ATP6V1H: variants seen among roughly 807,000 people sequenced by gnomAD.
The protein encoded by ATP6V1H is ATPase H+ transporting V1 subunit H, also known as V-type proton ATPase subunit H.
In ATP6V1H, 39 loss-of-function variants were observed where a neutral mutation model predicts 71.7. The ratio of observed to expected loss-of-function variants is 0.54; its 90% CI spans 0.42 to 0.71. ATP6V1H has a LOEUF of 0.71. Among genes scored for constraint, ATP6V1H ranks in the 30% least tolerant of loss-of-function variants. The probability of loss-of-function intolerance (pLI) is 0.00; values close to 1 mark genes in which losing one functional copy is unlikely to be tolerated. For synonymous variants in ATP6V1H, 192 were observed against 199.3 expected, an observed-to-expected ratio of 0.96 and a Z score of 0.31; for missense variants, 509 against 594.9, an observed-to-expected ratio of 0.86 and a Z score of 1.50.
At chr8:53,798,016 CA>C (rs1308093233) in intron 8 of ATP6V1H, among the ~76,000 whole-genome samples, 1 of 152,178 alleles carries the variant, frequency 6.6e-6, no homozygotes, top group Non-Finnish European at 1.5e-5. Flanking sequence ...TTACCCCCAG[CA>C]AAGGCCCACT....
At chr8:53,825,492 A>AAACTGCGAAGGG (rs1379591688) in intron 4 of ATP6V1H, among the ~76,000 whole-genome samples, 3 of 152,158 alleles carry the variant, frequency 2.0e-5, no homozygotes, top group Non-Finnish European at 4.4e-5. Flanking sequence ...GGGAAAAAAA[A>AAACTGCGAAGGG]AACTGCGAAG....
intron 7 of ATP6V1H, among the ~76,000 whole-genome samples, chr8:53,802,373 C>T (rs2130437225): frequency 6.6e-6 from 1 of 152,282 alleles, no homozygotes; most frequent in East Asian, 1.9e-4. Context: ...GAAATTTCTT[C>T]ATCCTCATGA....
chr8:53,749,619 T>G (rs1807726208), intron 12 of ATP6V1H, among the ~76,000 whole-genome samples: 1 of 152,052 alleles, frequency 6.6e-6, no homozygotes, highest in African/African-American at 2.4e-5. Context: ...GGTGGCTAAA[T>G]GTAAGGGAGA....
chr8:53,725,420 C>T (rs1166761653), intron 13 of ATP6V1H, among the ~76,000 whole-genome samples: 1 of 151,770 alleles, frequency 6.6e-6, no homozygotes, highest in African/African-American at 2.4e-5. Context: ...TTAGACATTA[C>T]CCAGTTTCAG....
In ATP6V1H at chr8:53,735,945, C is replaced by T. The variant is rs188687747; in HGVS notation, c.1391+7632G>A. Among the ~76,000 whole-genome samples the T allele has an allele frequency of 3.3e-3, 501 of 152,304 alleles. 1 individual carries two copies. The highest frequency in any genetic ancestry group is 5.4e-3 in the Non-Finnish European group (367 of 68,028). On this transcript the variant is annotated intron_variant, in intron 13 of 13. Transcript: ENST00000359530. ...AGCCAGTAGGACTCAGATCATCCAA[C>T]CCAGCTAATCCTAAGATGAGACTGC...
At chr8:53,744,033 G>C (rs1463250518) in intron 12 of ATP6V1H, among the ~76,000 whole-genome samples, 1 of 152,034 alleles carries the variant, frequency 6.6e-6, no homozygotes, top group Non-Finnish European at 1.5e-5. Flanking sequence ...TTTCTTGCTT[G>C]TTTAATATCA....
chr8:53,797,775 G>T (rs896608864), intron 8 of ATP6V1H, among the ~76,000 whole-genome samples: 1 of 151,812 alleles, frequency 6.6e-6, no homozygotes, highest in Non-Finnish European at 1.5e-5. Context: ...CAGGGTGGGC[G>T]GATCTCTTGA....
At chr8:53,787,007 A>T (rs1809409937) in intron 9 of ATP6V1H, among the ~76,000 whole-genome samples, 1 of 152,236 alleles carries the variant, frequency 6.6e-6, no homozygotes, top group South Asian at 2.1e-4. Flanking sequence ...TGTAAAATAC[A>T]AGTTCAATTT....
intron 9 of ATP6V1H, among the ~76,000 whole-genome samples, chr8:53,772,619 C>T (rs944807562): frequency 1.3e-5 from 2 of 152,104 alleles, no homozygotes; most frequent in African/African-American, 2.4e-5. Flanking sequence ...CCTGTAAGCA[C>T]AAGGGACAAC....
intron 11 of ATP6V1H, among the ~76,000 whole-genome samples, chr8:53,757,676 A>G (rs1277024532): frequency 6.6e-6 from 1 of 152,174 alleles, no homozygotes; most frequent in Non-Finnish European, 1.5e-5. Context: ...AAATTAGCCA[A>G]CTGAACCCAC....
chr8:53,725,520 C>T (rs1207695903), intron 13 of ATP6V1H, among the ~76,000 whole-genome samples: 1 of 149,370 alleles, frequency 6.7e-6, no homozygotes, highest in African/African-American at 2.5e-5. Context: ...AGTCTTGACT[C>T]AATTTCCACC....
intron 13 of ATP6V1H, among the ~76,000 whole-genome samples, chr8:53,724,488 A>G (rs1806734996): frequency 6.6e-6 from 1 of 152,010 alleles, no homozygotes; most frequent in Non-Finnish European, 1.5e-5. Context: ...ACATATGGCC[A>G]GAAGACTGAG....
intron 13 of ATP6V1H, among the ~76,000 whole-genome samples, chr8:53,734,963 A>T (rs1563441434): frequency 1.3e-5 from 2 of 152,256 alleles, no homozygotes; most frequent in Non-Finnish European, 2.9e-5. Flanking sequence ...GCTGTGCATG[A>T]GATCACCCAC....
chr8:53,786,895 G>C (rs187824818), intron 9 of ATP6V1H, among the ~76,000 whole-genome samples: 1 of 152,182 alleles, frequency 6.6e-6, no homozygotes, highest in Non-Finnish European at 1.5e-5. Flanking sequence ...GCAGTGTTTC[G>C]AAAACCATCG....
At chr8:53,841,391 T>G (rs1047299236) in intron 2 of ATP6V1H, among the ~76,000 whole-genome samples, 187 bp downstream of exon 2, 9 of 152,144 alleles carry the variant, frequency 5.9e-5, no homozygotes, top group Admixed American at 5.2e-4. Flanking sequence ...GCTTCCCCAC[T>G]AGGGCGCCAA....
At chr8:53,808,820 T>C (rs1274475109) in intron 7 of ATP6V1H, among the ~76,000 whole-genome samples, 1 of 150,214 alleles carries the variant, frequency 6.7e-6, no homozygotes, top group Non-Finnish European at 1.5e-5. Flanking sequence ...AAAAACAAAA[T>C]GTTTGTAATG....
At chr8:53,760,975 G>C (rs958436567) in intron 11 of ATP6V1H, among the ~76,000 whole-genome samples, 2 of 152,004 alleles carry the variant, frequency 1.3e-5, no homozygotes, top group Admixed American at 1.3e-4. Context: ...CCATTAACAA[G>C]AATAAAAACT....
intron 11 of ATP6V1H, among the ~76,000 whole-genome samples, chr8:53,765,560 G>A (rs1394080984): frequency 1.4e-5 from 2 of 148,026 alleles, no homozygotes; most frequent in African/African-American, 5.0e-5. Context: ...AAATACTTAG[G>A]TATAAATGTA....
intron 11 of ATP6V1H, among the ~76,000 whole-genome samples, chr8:53,760,475 G>A (rs949440371): frequency 6.6e-6 from 1 of 152,124 alleles, no homozygotes; most frequent in African/African-American, 2.4e-5. Flanking sequence ...AGGGCAGTTG[G>A]ATCTCCCAAG....
Sources: allele counts gnomAD v4.1 joint callset (sites outside exome capture counted in the v4.1 genomes callset), GRCh38; gene constraint gnomAD v4.1.1; transcripts MANE v1.5; gene names NCBI Gene and HGNC (gene_info 2026-07-23, HGNC 2026-07-21).